AMZ1: variants seen among roughly 807,000 people sequenced by gnomAD.
AMZ1 encodes archaelysin family metallopeptidase 1, also known as archaemetzincin-1.
Under a neutral mutation model 29.9 loss-of-function variants are expected in AMZ1, and 39 were observed. The observed-to-expected ratio is 1.30, with a 90% CI of 1.01 to 1.70. The LOEUF (loss-of-function observed/expected upper bound fraction) is 1.70, where lower values mean the gene tolerates loss of function less well. AMZ1 is among the 40% of genes most tolerant of loss of function. AMZ1 has a pLI of 0.00. For missense variants in AMZ1, 1,041 were observed against 680.6 expected (o/e 1.53, Z -5.89); for synonymous variants, 458 against 304.0 (o/e 1.51, Z -5.27).
rs1178819154 is a variant in AMZ1 at position 2,719,622 on chromosome 7, T to A, written c.*6744T>A. On this transcript the variant is annotated 3_prime_UTR_variant, in exon 7 of 7. Transcript: ENST00000683327. Reference sequence around the variant, plus strand: ...ATACAAAATAAATTGTTACTCAGCTTTTCTATAATGCTTACATCTTACATT... The same window carrying A: ...ATACAAAATAAATTGTTACTCAGCTATTCTATAATGCTTACATCTTACATT... Among the ~76,000 whole-genome samples the A allele has an allele frequency of 6.6e-6, 1 of 152,230 alleles. No homozygotes were observed. Among genetic ancestry groups the A allele is most frequent in the African/African-American group, 2.4e-5 (1 of 41,462 alleles).
chr7:2,710,398 C>T (rs1005896896), intron 6 of AMZ1, among the ~76,000 whole-genome samples: 6 of 152,224 alleles, frequency 3.9e-5, no homozygotes, highest in African/African-American at 1.4e-4. Flanking sequence ...TTTCTTCAAA[C>T]CCAGCTTTGG....
intron 4 of AMZ1, among the ~76,000 whole-genome samples, chr7:2,755,059 T>C (rs978096152): frequency 6.6e-6 from 1 of 152,244 alleles, no homozygotes; most frequent in Admixed American, 6.5e-5. Context: ...GAGTTGCTTC[T>C]GCCCTTGGCT....
intron 6 of AMZ1, among the ~76,000 whole-genome samples, 163 bp downstream of exon 6, chr7:2,709,979 C>T (rs1788661999): frequency 6.6e-6 from 1 of 152,238 alleles, no homozygotes; most frequent in Non-Finnish European, 1.5e-5. Context: ...GGTTGAGCTC[C>T]ATCCGGATCT....
Position 2,700,618 on chromosome 7 carries a change from G to C in AMZ1, c.167G>C (p.Cys56Ser), listed in dbSNP as rs1351950632. The change falls in exon 2 of 7, where the codon TGC becomes TCC. Residue 56 changes from cysteine (C) to serine (S), a missense_variant. Coordinates refer to ENST00000683327, the MANE Select transcript of AMZ1 (RefSeq NM_001384743.1). Reference protein sequence around the residue: ...EAYNPQRTLFCTLLIRTGFDW... With the variant: ...EAYNPQRTLFSTLLIRTGFDW... ...TACAACCCGCAGAGGACGCTCTTCT[G>C]CACCCTGCTCATCCGCACGGGCTTC... 1 of 1,610,706 alleles carries C rather than the reference G, an allele frequency of 6.2e-7. No homozygotes were observed. Among genetic ancestry groups the C allele is most frequent in the East Asian group, 2.2e-5 (1 of 44,898 alleles).
upstream of AMZ1, among the ~76,000 whole-genome samples, chr7:2,759,714 G>A (rs1171563177): frequency 1.3e-5 from 2 of 152,312 alleles, no homozygotes; most frequent in East Asian, 3.9e-4. Context: ...GGATAGGAGA[G>A]AGATGTATAC....
At chr7:2,744,054 AAGG>A (rs1346506825) in intron 4 of AMZ1, among the ~76,000 whole-genome samples, 1 of 152,208 alleles carries the variant, frequency 6.6e-6, no homozygotes, top group Non-Finnish European at 1.5e-5. Context: ...ACCACAGCTC[AAGG>A]AGGCCTGCCT....
intron 4 of AMZ1, among the ~76,000 whole-genome samples, chr7:2,724,689 T>A (rs1440892843): frequency 6.6e-6 from 1 of 152,198 alleles, no homozygotes; most frequent in African/African-American, 2.4e-5. Flanking sequence ...GAAAATAACC[T>A]CCTTGAACCT....
rs1443473922 is a variant in AMZ1 at position 2,700,432 on chromosome 7, C to T, written c.-20C>T. 2 of 1,589,482 alleles carry T rather than the reference C, an allele frequency of 1.3e-6. No individual in the cohort carries two copies. The highest frequency in any genetic ancestry group is 1.1e-5 in the South Asian group (1 of 90,208). ...CAGCAGCAGGGGCTCCCAGGAGTGG[C>T]CAGGCCCTGCCCGCCCACCATGCTG... On this transcript the variant is annotated 5_prime_UTR_variant, in exon 2 of 7. Coordinates refer to ENST00000683327, the MANE Select transcript of AMZ1 (RefSeq NM_001384743.1).
At chr7:2,762,287 CG>C, upstream of AMZ1, 1 of 248,966 alleles carries the variant, frequency 4.0e-6, no homozygotes, top group East Asian at 7.1e-5. Flanking sequence ...GTGCACATGG[CG>C]GGGCCGGCGT....
chr7:2,692,509 T>C (rs186376608), intron 1 of AMZ1, among the ~76,000 whole-genome samples: 1,536 of 152,252 alleles, frequency 0.01, 19 homozygotes, highest in Middle Eastern at 0.024. Context: ...GCCACTGCAC[T>C]CCAGCCTGGG....
At chr7:2,744,018 C>A (rs530969612) in intron 4 of AMZ1, among the ~76,000 whole-genome samples, 2 of 152,208 alleles carry the variant, frequency 1.3e-5, no homozygotes, top group East Asian at 1.9e-4. Context: ...ACAAAGCAGC[C>A]GGGAAGCTCA....
chr7:2,689,691 T>C (rs1787273094), intron 1 of AMZ1, among the ~76,000 whole-genome samples: 1 of 152,226 alleles, frequency 6.6e-6, no homozygotes, highest in Non-Finnish European at 1.5e-5. Flanking sequence ...GCTCCGTGTG[T>C]GGCTTGGAGG....
At chr7:2,702,683 AG>A in intron 2 of AMZ1, 38 bp from the exon 3 acceptor site, 1 of 1,491,804 alleles carries the variant, frequency 6.7e-7, no homozygotes. Flanking sequence ...CCAGGCGGGC[AG>A]GGGCGTCGCA....
chr7:2,757,811 C>T (rs531216254), intron 4 of AMZ1, among the ~76,000 whole-genome samples: 18 of 152,130 alleles, frequency 1.2e-4, no homozygotes, highest in African/African-American at 3.1e-4. Context: ...ACGTACTGAA[C>T]GCTTGCTGAG....
intron 1 of AMZ1, among the ~76,000 whole-genome samples, chr7:2,680,080 T>C (rs373554903): frequency 6.6e-6 from 1 of 151,988 alleles, no homozygotes; most frequent in Non-Finnish European, 1.5e-5. Context: ...AGGGGGTGTG[T>C]GGAAGCTGGG....
intron 4 of AMZ1, among the ~76,000 whole-genome samples, chr7:2,740,265 T>C (rs1173104944): frequency 6.6e-6 from 1 of 152,200 alleles, no homozygotes; most frequent in East Asian, 1.9e-4. Context: ...AGAATTCCCA[T>C]GTGGAAGCCC....
At chr7:2,734,573 T>C (rs189197208) in intron 4 of AMZ1, among the ~76,000 whole-genome samples, 1 of 152,282 alleles carries the variant, frequency 6.6e-6, no homozygotes, top group Admixed American at 6.5e-5. Flanking sequence ...TTGTAAGGGA[T>C]GGAGAAAGGC....
At position 2,712,924 on chromosome 7, in the gene AMZ1, A is replaced by G. The variant is rs766367933; in HGVS notation, c.*46A>G. 3.3e-6 allele frequency: 5 copies of G among 1,497,166 alleles called. No individual in the cohort carries two copies. The African/African-American group carries it at 7.0e-5, about 21-fold the overall frequency. 92.7% of individuals were successfully genotyped at this position (1,497,166 alleles called of 1,614,324 possible). On this transcript the variant is annotated 3_prime_UTR_variant, in exon 7 of 7. Transcript: ENST00000683327. ...GTCTCCTTCCCTAAGGATGCTGGCCAGCACTGTCCAGTAGCTGAGGCCACT... is the reference window on the plus strand; with the variant it reads ...GTCTCCTTCCCTAAGGATGCTGGCCGGCACTGTCCAGTAGCTGAGGCCACT...
At chr7:2,682,699 C>A (rs1195614973) in intron 1 of AMZ1, among the ~76,000 whole-genome samples, 1 of 152,172 alleles carries the variant, frequency 6.6e-6, no homozygotes, top group Non-Finnish European at 1.5e-5. Context: ...ACACGGCTCC[C>A]CTGCTTGTGT....
Sources: allele counts gnomAD v4.1 joint callset (sites outside exome capture counted in the v4.1 genomes callset), GRCh38; gene constraint gnomAD v4.1.1; transcripts MANE v1.5; gene names NCBI Gene and HGNC (gene_info 2026-07-23, HGNC 2026-07-21).